LTBP1: variants seen among roughly 807,000 people sequenced by gnomAD.
The protein encoded by LTBP1 is latent transforming growth factor beta binding protein 1.
Under a neutral mutation model 207.6 loss-of-function variants are expected in LTBP1, and 129 were observed. The observed-to-expected ratio is 0.62, with a 90% confidence interval of 0.54 to 0.72. The LOEUF is 0.72. Among genes scored for constraint, LTBP1 ranks in the 30% least tolerant of loss-of-function variants. LTBP1 has a pLI of 0.00. For missense variants in LTBP1, 2,281 were observed against 2,217.2 expected, an observed-to-expected ratio of 1.03 and a Z score of -0.58; for synonymous variants, 963 against 833.7, an observed-to-expected ratio of 1.16 and a Z score of -2.67.
chr2:33,263,012 G>T (rs1470940619), intron 14 of LTBP1, among the ~76,000 whole-genome samples, 191 bp downstream of exon 14: 11 of 146,154 alleles, frequency 7.5e-5, no homozygotes, highest in Admixed American at 6.9e-4. Flanking sequence ...GGAAAGATAG[G>T]TTTTTTTTTT....
intron 22 of LTBP1, among the ~76,000 whole-genome samples, chr2:33,307,420 A>T (rs1329729747): frequency 6.6e-6 from 1 of 152,246 alleles, no homozygotes; most frequent in African/African-American, 2.4e-5. Flanking sequence ...TAAACAAATT[A>T]TGGTGCATTC....
chr2:32,981,528 A>C (rs1682762651), intron 2 of LTBP1, among the ~76,000 whole-genome samples: 1 of 152,172 alleles, frequency 6.6e-6, no homozygotes, highest in Admixed American at 6.5e-5. Flanking sequence ...GTTAAGATGG[A>C]ATGATGACTT....
At chr2:32,974,188 T>C (rs1681351514) in intron 2 of LTBP1, among the ~76,000 whole-genome samples, 2 of 152,224 alleles carry the variant, frequency 1.3e-5, no homozygotes, top group African/African-American at 4.8e-5. Flanking sequence ...CTGTTCTCCA[T>C]AGTGTTGTGC....
intron 19 of LTBP1, among the ~76,000 whole-genome samples, chr2:33,286,070 G>A (rs186316829): frequency 9.7e-4 from 148 of 152,246 alleles, no homozygotes; most frequent in Non-Finnish European, 1.2e-3. Flanking sequence ...GCCACCTATT[G>A]GATATATGCA....
intron 9 of LTBP1, among the ~76,000 whole-genome samples, chr2:33,235,362 G>A (rs1373889931): frequency 1.3e-5 from 2 of 152,096 alleles, no homozygotes; most frequent in Admixed American, 6.5e-5. Context: ...ACCATCTCAC[G>A]TCAGTTAGAA....
At chr2:33,201,070 A>G (rs925933359) in intron 7 of LTBP1, among the ~76,000 whole-genome samples, 8 of 152,312 alleles carry the variant, frequency 5.3e-5, no homozygotes, top group East Asian at 1.9e-4. Context: ...TCAGTGTGGC[A>G]ATTCCTAAGG....
intron 1 of LTBP1, 85 bp downstream of exon 1, chr2:32,947,903 C>T (rs1676480059): frequency 2.5e-6 from 3 of 1,182,588 alleles, no homozygotes; most frequent in East Asian, 3.3e-5. Flanking sequence ...CCACTCGGAG[C>T]CCCGCGGTGG....
At chr2:33,350,224 C>G (rs896362859) in intron 26 of LTBP1, among the ~76,000 whole-genome samples, 1 of 152,192 alleles carries the variant, frequency 6.6e-6, no homozygotes, top group Non-Finnish European at 1.5e-5. Context: ...CCAGTATAGG[C>G]TATCACATTT....
intron 25 of LTBP1, among the ~76,000 whole-genome samples, chr2:33,344,889 G>A (rs1018333558): frequency 2.0e-5 from 3 of 152,098 alleles, no homozygotes; most frequent in African/African-American, 4.8e-5. Flanking sequence ...GCTATCTGGA[G>A]TCCACATAGC....
At chr2:33,166,068 T>G (rs6737918) in intron 5 of LTBP1, among the ~76,000 whole-genome samples, 7,826 of 41,560 alleles carry the variant, frequency 0.19, 271 homozygotes, top group Middle Eastern at 0.42. Flanking sequence ...GTAATGTATG[T>G]TTTTTTTTTT....
intron 2 of LTBP1, among the ~76,000 whole-genome samples, chr2:32,950,938 C>T (rs1382953910): frequency 1.3e-5 from 2 of 152,218 alleles, no homozygotes; most frequent in East Asian, 3.9e-4. Context: ...CTTGGGGAAT[C>T]TCTTCATGGC....
chr2:33,125,502 G>A lies in LTBP1; in HGVS notation c.1034-9291G>A, dbSNP rs999133966. On this transcript the variant is annotated intron_variant, in intron 4 of 33. Coordinates refer to ENST00000404816, the MANE Select transcript of LTBP1 (RefSeq NM_206943.4). ...GGGAAGAAGAACATGTTATGTGTGT[G>A]TATGTTTATGTTAGTTATCAGTTGC... 3.3e-5 allele frequency among the ~76,000 whole-genome samples: 5 copies of A among 152,236 alleles called. No individual in the cohort carries two copies. In the East Asian group the frequency reaches 9.6e-4, roughly 29 times the overall value.
chr2:33,244,931 T>C (rs1184081071), intron 10 of LTBP1, among the ~76,000 whole-genome samples: 3 of 152,098 alleles, frequency 2.0e-5, no homozygotes, highest in Non-Finnish European at 2.9e-5. Flanking sequence ...CAGGCTGGAG[T>C]GCAATGGTGC....
intron 3 of LTBP1, among the ~76,000 whole-genome samples, chr2:33,035,342 C>T (rs954625665): frequency 1.3e-5 from 2 of 152,016 alleles, no homozygotes; most frequent in East Asian, 1.9e-4. Context: ...AGCAAAACTG[C>T]GTAGAGTTCC....
Position 32,968,358 on chromosome 2 carries a change from T to A in LTBP1, c.565+19413T>A, listed in dbSNP as rs201009259. Among the ~76,000 whole-genome samples, 6 of 152,352 alleles carry A rather than the reference T, an allele frequency of 3.9e-5. No homozygotes were observed. In the East Asian group the frequency reaches 1.2e-3, roughly 29 times the overall value. On this transcript the variant is annotated intron_variant, in intron 2 of 33. Coordinates refer to ENST00000404816, the MANE Select transcript of LTBP1 (RefSeq NM_206943.4). ...ATGTTTTCTTGGAGAATTGACACTT[T>A]TATTATATGTAATGCTCCCCTTTAT...
chr2:33,020,755 C>T (rs989533507), intron 2 of LTBP1, among the ~76,000 whole-genome samples, 154 bp from the exon 3 acceptor site: 4 of 152,202 alleles, frequency 2.6e-5, no homozygotes, highest in Admixed American at 6.5e-5. Context: ...TCTTCCCCCT[C>T]CTCCGCCCAA....
intron 3 of LTBP1, among the ~76,000 whole-genome samples, chr2:33,060,201 C>T (rs1229806247): frequency 1.3e-5 from 2 of 151,926 alleles, no homozygotes; most frequent in Admixed American, 1.3e-4. Context: ...CTGTTGCAGG[C>T]TGGGATGAGA....
At chr2:33,292,300 T>A (rs916029226) in intron 19 of LTBP1, among the ~76,000 whole-genome samples, 1 of 152,274 alleles carries the variant, frequency 6.6e-6, no homozygotes. Context: ...AATTCATACA[T>A]TCTCTCTTTC....
chr2:33,212,463 G>A (rs1443336452), intron 7 of LTBP1, among the ~76,000 whole-genome samples: 1 of 152,174 alleles, frequency 6.6e-6, no homozygotes, highest in Non-Finnish European at 1.5e-5. Flanking sequence ...TTTTGCTGTG[G>A]TGTGTAGTAA....
Sources: gnomAD v4.1 joint callset for allele counts (sites outside exome capture counted in the v4.1 genomes callset) on GRCh38, gnomAD v4.1.1 for gene constraint, MANE v1.5 for transcripts, NCBI Gene and HGNC (gene_info 2026-07-23, HGNC 2026-07-21) for gene names.